LTBP1: variants seen among roughly 807,000 people sequenced by gnomAD.
LTBP1 encodes latent-transforming growth factor beta-binding protein 1.
Under a neutral mutation model 207.6 loss-of-function variants are expected in LTBP1, and 129 were observed. The ratio of observed to expected loss-of-function variants is 0.62; its 90% CI spans 0.54 to 0.72. The LOEUF is 0.72. Ranked by LOEUF, LTBP1 falls within the 30% of genes least tolerant of loss-of-function variation. LTBP1 has a pLI of 0.00. For synonymous variants in LTBP1, 963 were observed against 833.7 expected (o/e 1.16, Z -2.67); for missense variants, 2,281 against 2,217.2 (o/e 1.03, Z -0.58).
chr2:33,081,739 A>G (rs2078418016), intron 3 of LTBP1, among the ~76,000 whole-genome samples: 1 of 152,052 alleles, frequency 6.6e-6, no homozygotes, highest in South Asian at 2.1e-4. Context: ...CATAGTCCCC[A>G]TATGTCGTGG....
chr2:33,083,842 G>C (rs1219230778), intron 3 of LTBP1, among the ~76,000 whole-genome samples: 1 of 152,166 alleles, frequency 6.6e-6, no homozygotes, highest in East Asian at 1.9e-4. Flanking sequence ...ATTCACGAAG[G>C]GAACATTCTT....
rs777324301 is a variant in LTBP1, at chr2:33,262,716, A to G, written c.2419-6A>G. 2.1e-5 allele frequency: 31 copies of G among 1,511,666 alleles called. No homozygotes were observed. In the Middle Eastern group the frequency reaches 5.2e-4, roughly 25 times the overall value. 93.6% of individuals were successfully genotyped at this position (1,511,666 alleles called of 1,614,324 possible). On this transcript the variant is annotated splice_polypyrimidine_tract_variant and splice_region_variant and intron_variant, in intron 13 of 33. Transcript: ENST00000404816. ...TCTTATTCTCTTTTAAAATACAACC[A>G]TCCAGGAAATACCTTCATTGGATCA... is the stretch of plus-strand genomic sequence containing the variant.
rs1183078794 is a variant in LTBP1 at position 32,947,074 on chromosome 2, C to G, written c.-251C>G. ...CTTGCGCGGCCCGCTCCCCTCGCCC[C>G]TCCCCGCTCCCCGGGCTCCGCGCTC... On this transcript the variant is annotated 5_prime_UTR_variant, in exon 1 of 34. Coordinates refer to ENST00000404816, the MANE Select transcript of LTBP1 (RefSeq NM_206943.4). The G allele has an allele frequency of 6.5e-6, 2 of 305,530 alleles. No individual in the cohort carries two copies. The highest frequency in any genetic ancestry group is 6.0e-6 in the Non-Finnish European group (1 of 167,064). The allele number at this position is 305,530 out of a possible 1,614,324, so 18.9% of individuals were successfully genotyped here.
At chr2:32,963,795 C>T (rs1679519389) in intron 2 of LTBP1, among the ~76,000 whole-genome samples, 1 of 152,044 alleles carries the variant, frequency 6.6e-6, no homozygotes, top group African/African-American at 2.4e-5. Flanking sequence ...AATTGGAACC[C>T]CTGGTAGTAG....
At chr2:33,133,616 C>G (rs72793778) in intron 4 of LTBP1, among the ~76,000 whole-genome samples, 25,673 of 152,062 alleles carry the variant, frequency 0.17, 2,696 homozygotes, top group Non-Finnish European at 0.23. Flanking sequence ...CAGAACTGCA[C>G]AGAGACAGTG....
At chr2:33,024,399 C>T (rs1440943765) in intron 3 of LTBP1, among the ~76,000 whole-genome samples, 1 of 152,112 alleles carries the variant, frequency 6.6e-6, no homozygotes, top group Non-Finnish European at 1.5e-5. Context: ...GCGATAAGTG[C>T]ATGAACCCTG....
intron 3 of LTBP1, among the ~76,000 whole-genome samples, chr2:33,032,612 G>A (rs577072391): frequency 1.3e-5 from 2 of 152,240 alleles, no homozygotes; most frequent in South Asian, 4.2e-4. Flanking sequence ...GGCTCTAAAT[G>A]TCTTCCTAGC....
At chr2:32,951,449 G>T (rs1257942935) in intron 2 of LTBP1, among the ~76,000 whole-genome samples, 1 of 152,218 alleles carries the variant, frequency 6.6e-6, no homozygotes, top group Admixed American at 6.5e-5. Context: ...GAGATCCAGG[G>T]AGCTGAGAGA....
intron 2 of LTBP1, among the ~76,000 whole-genome samples, chr2:32,962,087 T>G (rs538327335): frequency 1.3e-5 from 2 of 152,260 alleles, no homozygotes; most frequent in South Asian, 4.1e-4. Context: ...AAAAATGGAA[T>G]GCATAAAATG....
intron 2 of LTBP1, among the ~76,000 whole-genome samples, chr2:32,985,576 G>A (rs767050187): frequency 2.4e-4 from 37 of 152,242 alleles, no homozygotes; most frequent in Non-Finnish European, 4.1e-4. Flanking sequence ...TGAGAGTCTG[G>A]ATTTCCCAGA....
chr2:33,302,113 C>G (rs1463358351), intron 22 of LTBP1, among the ~76,000 whole-genome samples: 1 of 152,182 alleles, frequency 6.6e-6, no homozygotes, highest in East Asian at 1.9e-4. Context: ...CAGTCATCAA[C>G]CACTTTCACT....
intron 3 of LTBP1, among the ~76,000 whole-genome samples, chr2:33,069,991 C>G (rs1047437677): frequency 6.6e-6 from 1 of 152,170 alleles, no homozygotes; most frequent in Non-Finnish European, 1.5e-5. Context: ...CATTGCCCTC[C>G]TTTTAAACTT....
intron 24 of LTBP1, among the ~76,000 whole-genome samples, chr2:33,316,101 G>T (rs543804801): frequency 1.3e-5 from 2 of 152,284 alleles, no homozygotes; most frequent in South Asian, 2.1e-4. Context: ...TTAAGATAAT[G>T]CTCTTGGCTT....
In LTBP1 at chr2:33,188,871, C is replaced by G. The variant is rs1374437269; in HGVS notation, c.1701+20C>G. 1 of 1,611,984 alleles carries G rather than the reference C, an allele frequency of 6.2e-7. No individual in the cohort carries two copies. Among genetic ancestry groups the G allele is most frequent in the Non-Finnish European group, 8.5e-7 (1 of 1,178,388 alleles). ...TCACAGGTAAACATCATCACCGAGCCTGCTTTAGCAGTGTCTTACAGATAT... is the reference window on the plus strand; with the variant it reads ...TCACAGGTAAACATCATCACCGAGCGTGCTTTAGCAGTGTCTTACAGATAT... On this transcript the variant is annotated intron_variant, in intron 7 of 33. Coordinates refer to ENST00000404816, the MANE Select transcript of LTBP1 (RefSeq NM_206943.4).
intron 22 of LTBP1, 100 bp from the exon 23 acceptor site, chr2:33,309,334 T>C: frequency 1.3e-6 from 1 of 742,518 alleles, no homozygotes. Context: ...TTATGTATTA[T>C]AAATGATGTA....
intron 3 of LTBP1, among the ~76,000 whole-genome samples, chr2:33,068,957 A>G (rs1169873134): frequency 6.6e-6 from 1 of 152,226 alleles, no homozygotes; most frequent in Non-Finnish European, 1.5e-5. Context: ...ATGTTTAACT[A>G]TTCTAACCAT....
chr2:32,968,959 A>T (rs1680415639), intron 2 of LTBP1, among the ~76,000 whole-genome samples: 1 of 134,852 alleles, frequency 7.4e-6, no homozygotes, highest in East Asian at 2.1e-4. Flanking sequence ...TCTGTCACCC[A>T]GGCTGGAGTG....
At chr2:33,019,750 A>G (rs754781276) in intron 2 of LTBP1, among the ~76,000 whole-genome samples, 1 of 152,020 alleles carries the variant, frequency 6.6e-6, no homozygotes, top group Non-Finnish European at 1.5e-5. Context: ...ATTGGGTTAC[A>G]TTCTGTTGCT....
rs114009630 is a variant in LTBP1 at position 33,280,517 on chromosome 2, C to T, written c.3112+359C>T. On this transcript the variant is annotated intron_variant, in intron 19 of 33. Transcript: ENST00000404816. ...ACCACAGACAAGTAGAATTAGGTAA[C>T]ACACACACACAAATTTTCAACAGAA... Among the ~76,000 whole-genome samples, 895 of 152,010 alleles carry T rather than the reference C, an allele frequency of 5.9e-3. 7 individuals are homozygous for T. The highest frequency in any genetic ancestry group is 0.021 in the African/African-American group (865 of 41,450).
Sources: allele counts gnomAD v4.1 joint callset (sites outside exome capture counted in the v4.1 genomes callset), GRCh38; gene constraint gnomAD v4.1.1; transcripts MANE v1.5; gene names NCBI Gene and HGNC (gene_info 2026-07-23, HGNC 2026-07-21).